AGTPBP1: variants seen among roughly 807,000 people sequenced by gnomAD.
AGTPBP1 encodes cytosolic carboxypeptidase 1.
A neutral mutation model predicts 143.9 loss-of-function variants in AGTPBP1; 70 were observed. The observed-to-expected ratio is 0.49, with a 90% CI of 0.40 to 0.59. AGTPBP1 has a LOEUF of 0.59. Among genes scored for constraint, AGTPBP1 ranks in the 20% least tolerant of loss-of-function variants. The pLI, the probability that AGTPBP1 is intolerant of heterozygous loss-of-function variation, is 0.00. For synonymous variants in AGTPBP1, 463 were observed against 500.2 expected, an observed-to-expected ratio of 0.93 and a Z score of 0.99; for missense variants, 1,229 against 1,464.5, an observed-to-expected ratio of 0.84 and a Z score of 2.62.
At chr9:85,574,197 G>A (rs1489389373) in intron 25 of AGTPBP1, among the ~76,000 whole-genome samples, 1 of 152,054 alleles carries the variant, frequency 6.6e-6, no homozygotes, top group Non-Finnish European at 1.5e-5. Context: ...TCTGAAACAT[G>A]TGCTGTGTCC....
the AGTPBP1 span, among the ~76,000 whole-genome samples, chr9:85,794,049 T>C: frequency 6.6e-6 from 1 of 152,142 alleles, no homozygotes; most frequent in African/African-American, 2.4e-5. Flanking sequence ...TCCAGTGATA[T>C]TACTTATGGA....
intron 17 of AGTPBP1, among the ~76,000 whole-genome samples, chr9:85,612,327 C>A (rs1830361925): frequency 6.6e-6 from 1 of 152,118 alleles, no homozygotes; most frequent in Non-Finnish European, 1.5e-5. Context: ...AGTTAATAAT[C>A]ATATCGATGT....
intron 25 of AGTPBP1, among the ~76,000 whole-genome samples, chr9:85,557,357 T>C (rs1487580983): frequency 6.6e-6 from 1 of 152,174 alleles, no homozygotes; most frequent in Non-Finnish European, 1.5e-5. Context: ...TATTTGTGGG[T>C]ACAACAGCAT....
chr9:85,804,952 T>C, the AGTPBP1 span, among the ~76,000 whole-genome samples: 2,429 of 151,576 alleles, frequency 0.016, 32 homozygotes, highest in South Asian at 0.031. Flanking sequence ...GACCTCTAAC[T>C]GCTCTCCGCG....
chr9:85,571,104 C>CAT (rs1437586052), intron 25 of AGTPBP1, among the ~76,000 whole-genome samples: 1 of 152,158 alleles, frequency 6.6e-6, no homozygotes, highest in Non-Finnish European at 1.5e-5. Context: ...CATGTGTGTA[C>CAT]ATATATATAA....
chr9:85,576,732 T>C (rs1170259238), intron 24 of AGTPBP1, among the ~76,000 whole-genome samples: 1 of 152,158 alleles, frequency 6.6e-6, no homozygotes, highest in Non-Finnish European at 1.5e-5. Context: ...GTTGGGAATA[T>C]ATGGGAGCTC....
intron 2 of AGTPBP1, among the ~76,000 whole-genome samples, chr9:85,697,363 A>G (rs1836313868): frequency 6.8e-6 from 1 of 147,474 alleles, no homozygotes; most frequent in African/African-American, 2.6e-5. Flanking sequence ...CAAAAACATT[A>G]TATGTTATGC....
chr9:85,653,804 C>A (rs1454639683), intron 11 of AGTPBP1, among the ~76,000 whole-genome samples: 3 of 152,186 alleles, frequency 2.0e-5, no homozygotes, highest in Non-Finnish European at 1.5e-5. Context: ...TTGTTCCATG[C>A]CCCTCTTACC....
intron 21 of AGTPBP1, among the ~76,000 whole-genome samples, chr9:85,587,841 T>A (rs1168297525): frequency 6.6e-6 from 1 of 152,102 alleles, no homozygotes; most frequent in Non-Finnish European, 1.5e-5. Context: ...AAAGAACTCC[T>A]GTCAAAAACC....
Position 85,633,062 on chromosome 9 carries a change from A to G in AGTPBP1, c.1615T>C (p.Leu539=). Residue 539 remains leucine, a synonymous_variant, in exon 14 of 26, where the codon TTG becomes CTG. Coordinates refer to ENST00000357081, the MANE Select transcript of AGTPBP1 (RefSeq NM_001330701.2). The part of the protein sequence containing the change: ...DIVKALDRIT[L]QNIPSQTAPG... ...GCTGTTTGAGAAGGAATATTCTGCAATGTAATTCGGTCCAAGGCCTTTACA... is the reference window on the plus strand; with the variant it reads ...GCTGTTTGAGAAGGAATATTCTGCAGTGTAATTCGGTCCAAGGCCTTTACA... 1.2e-6 allele frequency: 2 copies of G among 1,614,176 alleles called. No individual in the cohort carries two copies. The highest frequency in any genetic ancestry group is 1.7e-6 in the Non-Finnish European group (2 of 1,180,028).
intron 25 of AGTPBP1, among the ~76,000 whole-genome samples, chr9:85,566,492 T>TGCATTCCA (rs1827104448): frequency 7.3e-6 from 1 of 136,536 alleles, no homozygotes; most frequent in African/African-American, 2.9e-5. Flanking sequence ...ATCATGCCAC[T>TGCATTCCA]GCATTCCAGC....
intron 17 of AGTPBP1, among the ~76,000 whole-genome samples, chr9:85,609,696 G>T (rs1830202114): frequency 6.6e-6 from 1 of 152,158 alleles, no homozygotes; most frequent in Admixed American, 6.5e-5. Flanking sequence ...CAAAAAGCAA[G>T]GGCACCCATA....
At chr9:85,644,911 C>A (rs1341797709) in intron 12 of AGTPBP1, among the ~76,000 whole-genome samples, 1 of 152,010 alleles carries the variant, frequency 6.6e-6, no homozygotes, top group Non-Finnish European at 1.5e-5. Context: ...AAGAGGCAGG[C>A]AGCAGTAGGA....
chr9:85,748,326 T>C, the AGTPBP1 span, among the ~76,000 whole-genome samples: 1 of 152,314 alleles, frequency 6.6e-6, no homozygotes, highest in African/African-American at 2.4e-5. Flanking sequence ...GGCTAGCTCA[T>C]CCTACTCCAC....
chr9:85,673,921 C>A lies in AGTPBP1; in HGVS notation c.437-1240G>T, dbSNP rs563150748. Among the ~76,000 whole-genome samples the A allele has an allele frequency of 2.0e-4, 31 of 151,970 alleles. 1 individual carries two copies. The highest frequency in any genetic ancestry group is 1.5e-3 in the South Asian group (7 of 4,820). On this transcript the variant is annotated intron_variant, in intron 6 of 25. Transcript: ENST00000357081. ...GGATCATGAGGTCAGAAGATCCAGACCATCCTGGCTAACATGGTGAAACCC... is the reference window on the plus strand; with the variant it reads ...GGATCATGAGGTCAGAAGATCCAGAACATCCTGGCTAACATGGTGAAACCC...
chr9:85,567,562 A>C (rs1460136103), intron 25 of AGTPBP1, among the ~76,000 whole-genome samples: 1 of 152,240 alleles, frequency 6.6e-6, no homozygotes, highest in Non-Finnish European at 1.5e-5. Context: ...ACTGTACTCA[A>C]GTATGGGTGA....
chr9:85,604,786 A>T (rs1361528544), intron 17 of AGTPBP1, among the ~76,000 whole-genome samples: 1 of 152,128 alleles, frequency 6.6e-6, no homozygotes, highest in Non-Finnish European at 1.5e-5. Flanking sequence ...AAGAGACTGA[A>T]ATAATTTTTA....
At chr9:85,779,236 G>GATATAA in the AGTPBP1 span, among the ~76,000 whole-genome samples, 386 of 84,962 alleles carry the variant, frequency 4.5e-3, 6 homozygotes, top group Admixed American at 0.043. Context: ...TATAGATATA[G>GATATAA]ATATAGATAT....
intron 12 of AGTPBP1, among the ~76,000 whole-genome samples, chr9:85,644,236 T>C (rs1832674985): frequency 6.6e-6 from 1 of 151,916 alleles, no homozygotes; most frequent in Non-Finnish European, 1.5e-5. Flanking sequence ...TATTATTACA[T>C]TAATATGTAA....
Sources: gnomAD v4.1 joint callset for allele counts (sites outside exome capture counted in the v4.1 genomes callset) on GRCh38, gnomAD v4.1.1 for gene constraint, MANE v1.5 for transcripts, NCBI Gene and HGNC (gene_info 2026-07-23, HGNC 2026-07-21) for gene names.